NINL: variants seen among roughly 807,000 people sequenced by gnomAD.
NINL encodes ninein like.
Under a neutral mutation model 160.3 loss-of-function variants are expected in NINL, and 153 were observed. The observed-to-expected ratio is 0.95, with a 90% CI of 0.84 to 1.09. The LOEUF is 1.09. Ranked by LOEUF, NINL falls within the 50% of genes least tolerant of loss-of-function variation. NINL has a pLI of 0.00. For missense variants in NINL, 1,829 were observed against 1,764.0 expected, an observed-to-expected ratio of 1.04 and a Z score of -0.66; for synonymous variants, 800 against 734.8, an observed-to-expected ratio of 1.09 and a Z score of -1.43.
At chr20:25,514,910 A>C (rs927157378) in intron 3 of NINL, among the ~76,000 whole-genome samples, 8 of 152,152 alleles carry the variant, frequency 5.3e-5, no homozygotes, top group African/African-American at 1.9e-4. Flanking sequence ...ATTTCAGAGG[A>C]TATATGAAGA....
In NINL at chr20:25,512,704, C is replaced by T. The variant is rs73597811; in HGVS notation, c.450+130G>A. The T allele has an allele frequency of 4.3e-3, 5,154 of 1,190,056 alleles. 137 individuals carry two copies. The East Asian group carries it at 0.076, about 18-fold the overall frequency. The allele number at this position is 1,190,056 out of a possible 1,614,324, so 73.7% of individuals were successfully genotyped here. On this transcript the variant is annotated intron_variant, in intron 4 of 23. Transcript: ENST00000278886. ...CTCCCCAAAGTGACCAAGCTTCTGG[C>T]GACTCAGGGTGCCTGAGACGGTGGC...
At chr20:25,505,759 C>T (rs761556920) in intron 5 of NINL, among the ~76,000 whole-genome samples, 1 of 152,126 alleles carries the variant, frequency 6.6e-6, no homozygotes, top group Admixed American at 6.5e-5. Flanking sequence ...GATGGATGGA[C>T]AGACAGAGGG....
At chr20:25,455,816 G>A (rs1432211888) in intron 22 of NINL, 30 bp from the exon 23 acceptor site, 1 of 1,578,052 alleles carries the variant, frequency 6.3e-7, no homozygotes, top group Non-Finnish European at 8.7e-7. Context: ...CAGGTGGCCG[G>A]GCATGGTGGC....
chr20:25,568,342 A>C (rs999859509), intron 1 of NINL, among the ~76,000 whole-genome samples: 1 of 152,100 alleles, frequency 6.6e-6, no homozygotes, highest in Admixed American at 6.5e-5. Context: ...GGAGTACTAA[A>C]TAATAGGATA....
intron 2 of NINL, among the ~76,000 whole-genome samples, chr20:25,522,605 A>T (rs749136332): frequency 6.6e-5 from 10 of 152,218 alleles, no homozygotes; most frequent in Non-Finnish European, 1.5e-4. Flanking sequence ...TAGTTGTCAA[A>T]TACTAAACGA....
chr20:25,476,546 A>G lies in NINL; in HGVS notation c.2745T>C (p.Asp915=), dbSNP rs1384636577. 6.2e-7 allele frequency: 1 copy of G among 1,600,114 alleles called. No homozygotes were observed. The highest frequency in any genetic ancestry group is 8.5e-7 in the Non-Finnish European group (1 of 1,179,816). Residue 915 remains aspartate (D), a synonymous_variant, in exon 17 of 24, where the codon GAT becomes GAC. Transcript: ENST00000278886. ...RWSRMQPCGV[D]GDIVPKEPEP... ...CTGGCTCCTTTGGGACAATATCCCC[A>G]TCCACTCCACAGGGCTGCATGCGTG...
chr20:25,476,097 A>G lies in NINL; in HGVS notation c.3194T>C (p.Leu1065Pro). ...CTCCAGAGCCCGGACGACGTCTTCCAGATGTAGAAGTTTGGTTTCCATGTC... is the reference window on the plus strand; with the variant it reads ...CTCCAGAGCCCGGACGACGTCTTCCGGATGTAGAAGTTTGGTTTCCATGTC... ...KDDMETKLLH[L>P]EDVVRALEKH... Residue 1065 changes from leucine (L) to proline (P), a missense_variant, in exon 17 of 24, where the codon CTG (leucine) becomes CCG (proline). Leu to Pro is a moderately conservative substitution (Grantham distance 98, BLOSUM62 -3). Transcript: ENST00000278886. 14 of 1,613,968 alleles carry G rather than the reference A, an allele frequency of 8.7e-6. No homozygotes were observed. Among genetic ancestry groups the G allele is most frequent in the Non-Finnish European group, 1.2e-5 (14 of 1,179,842 alleles).
In NINL at chr20:25,479,123, G is replaced by A. The variant is rs751930908; in HGVS notation, c.2001C>T (p.Arg667=). ...TCTGACCCTCCAGCACGCTGACCTC[G>A]CGCCTGCGAGCCTGCTCCATGTCCT... is the stretch of plus-strand genomic sequence containing the variant. ...ERKDMEQARR[R]EVSVLEGQKA... Residue 667 remains arginine, a synonymous_variant, in exon 16 of 24, where the codon CGC becomes CGT. Coordinates refer to ENST00000278886, the MANE Select transcript of NINL (RefSeq NM_025176.6). The A allele has an allele frequency of 1.9e-5, 30 of 1,613,748 alleles. No individual in the cohort carries two copies. In the East Asian group the frequency reaches 2.2e-4, roughly 12 times the overall value.
At chr20:25,525,459 C>G (rs1050407453) in intron 2 of NINL, among the ~76,000 whole-genome samples, 1 of 152,236 alleles carries the variant, frequency 6.6e-6, no homozygotes, top group African/African-American at 2.4e-5. Flanking sequence ...CGAGACCAGC[C>G]TGGGTAACAT....
At chr20:25,503,807 C>T in intron 7 of NINL, 145 bp downstream of exon 7, 1 of 949,078 alleles carries the variant, frequency 1.1e-6, no homozygotes, top group Non-Finnish European at 1.7e-6. Flanking sequence ...CGTGGCCTCC[C>T]ATATACATGC....
chr20:25,458,357 C>G lies in NINL; in HGVS notation c.3843+26G>C, dbSNP rs2090744972. ...CTCACCCTCCTCCTCATCTCGTCAG[C>G]CATCTCTCGCTGCATCCCCACTTAC... On this transcript the variant is annotated intron_variant, in intron 22 of 23. Coordinates refer to ENST00000278886, the MANE Select transcript of NINL (RefSeq NM_025176.6). The G allele has an allele frequency of 1.9e-6, 3 of 1,603,626 alleles. No homozygotes were observed. In the African/African-American group the frequency reaches 4.0e-5, roughly 21 times the overall value.
intron 23 of NINL, 33 bp downstream of exon 23, chr20:25,455,640 G>T: frequency 6.7e-7 from 1 of 1,491,084 alleles, no homozygotes; most frequent in Non-Finnish European, 9.4e-7. Flanking sequence ...AGAAGAGGAC[G>T]TGAACACGAA....
intron 4 of NINL, among the ~76,000 whole-genome samples, chr20:25,512,560 C>T (rs976594829): frequency 3.9e-5 from 6 of 152,218 alleles, no homozygotes; most frequent in African/African-American, 1.2e-4. Context: ...TTTCCTGAGG[C>T]ATCCCCAGCC....
chr20:25,507,398 G>A (rs2063983096), intron 5 of NINL, among the ~76,000 whole-genome samples: 1 of 152,116 alleles, frequency 6.6e-6, no homozygotes, highest in Non-Finnish European at 1.5e-5. Flanking sequence ...TGATGTGTTT[G>A]AAGCTGTGGA....
chr20:25,550,540 T>C (rs1173977883), intron 1 of NINL, among the ~76,000 whole-genome samples: 2 of 151,790 alleles, frequency 1.3e-5, no homozygotes, highest in Non-Finnish European at 2.9e-5. Flanking sequence ...ATCTATACTA[T>C]CTCGGTGAGG....
At chr20:25,468,964 ACTGCCCTGTCCCCTG>A (rs2063008668) in intron 18 of NINL, among the ~76,000 whole-genome samples, 1 of 81,538 alleles carries the variant, frequency 1.2e-5, no homozygotes, top group Non-Finnish European at 2.5e-5. Context: ...TGGGTGCCCC[ACTGCCCTGTCCCCTG>A]ACTCTCACTG....
chr20:25,508,456 G>A (rs2064003516), intron 5 of NINL, among the ~76,000 whole-genome samples: 1 of 152,236 alleles, frequency 6.6e-6, no homozygotes, highest in Admixed American at 6.5e-5. Context: ...TGCCTGGCCT[G>A]CAGCCCAGCC....
chr20:25,496,610 A>C, intron 10 of NINL, 53 bp downstream of exon 10: 1 of 1,601,168 alleles, frequency 6.2e-7, no homozygotes, highest in South Asian at 1.1e-5. Flanking sequence ...ACCTGCCCTC[A>C]AAGGGGCTGG....
chr20:25,462,258 G>C (rs917963085), intron 20 of NINL, 125 bp downstream of exon 20: 1 of 827,290 alleles, frequency 1.2e-6, no homozygotes, highest in Non-Finnish European at 1.8e-6. Flanking sequence ...CTTCTCCAAG[G>C]CATGCTTGGG....
Sources: gnomAD v4.1 joint callset for allele counts (sites outside exome capture counted in the v4.1 genomes callset) on GRCh38, gnomAD v4.1.1 for gene constraint, MANE v1.5 for transcripts, NCBI Gene and HGNC (gene_info 2026-07-23, HGNC 2026-07-21) for gene names.